Variants in GNAL observed in about 807,000 individuals in gnomAD.
GNAL encodes the protein guanine nucleotide-binding protein G(olf) subunit alpha.
Under a neutral mutation model 55.1 loss-of-function variants are expected in GNAL, and 18 were observed. The ratio of observed to expected loss-of-function variants is 0.33; its 90% CI spans 0.23 to 0.48. GNAL has a LOEUF of 0.48. Among genes scored for constraint, GNAL ranks in the 20% least tolerant of loss-of-function variants. GNAL has a pLI of 0.99. For synonymous variants in GNAL, 253 were observed against 237.0 expected, an observed-to-expected ratio of 1.07 and a Z score of -0.62; for missense variants, 412 against 614.1, an observed-to-expected ratio of 0.67 and a Z score of 3.48.
chr18:11,794,292 A>G (rs1242481067), intron 4 of GNAL, among the ~76,000 whole-genome samples: 1 of 152,254 alleles, frequency 6.6e-6, no homozygotes, highest in Middle Eastern at 3.2e-3. Flanking sequence ...TGTTGATAGC[A>G]GCACTATTCA....
chr18:11,763,446 C>G (rs1267876174), intron 4 of GNAL, among the ~76,000 whole-genome samples: 1 of 151,926 alleles, frequency 6.6e-6, no homozygotes, highest in African/African-American at 2.4e-5. Context: ...GAGTCTCGCT[C>G]TGTCTCCCAG....
chr18:11,814,546 A>C (rs553538173), intron 4 of GNAL, among the ~76,000 whole-genome samples: 1 of 151,864 alleles, frequency 6.6e-6, no homozygotes, highest in East Asian at 1.9e-4. Flanking sequence ...AAAGAAAAAG[A>C]AAAAAAATGA....
intron 10 of GNAL, among the ~76,000 whole-genome samples, chr18:11,873,055 A>G (rs1250081449): frequency 6.6e-6 from 1 of 152,218 alleles, no homozygotes; most frequent in African/African-American, 2.4e-5. Context: ...TAGACCAGGA[A>G]GAGTTGGTCA....
In GNAL at chr18:11,861,322, G is replaced by T. The variant is rs114057042; in HGVS notation, c.723-1073G>T. 3.2e-3 allele frequency among the ~76,000 whole-genome samples: 487 copies of T among 152,036 alleles called. 2 individuals are homozygous for T. Among genetic ancestry groups the T allele is most frequent in the African/African-American group, 0.011 (476 of 41,460 alleles). On this transcript the variant is annotated intron_variant, in intron 5 of 11. Transcript: ENST00000334049. ...CTGTCTCCAGAATTGTCCCCTGCTT[G>T]CCATTTAACCCATTCCCAGTGCTTG...
chr18:11,877,323 C>CAG, intron 11 of GNAL, among the ~76,000 whole-genome samples: 1 of 151,456 alleles, frequency 6.6e-6, no homozygotes, highest in Non-Finnish European at 1.5e-5. Context: ...GGTGTGGTGG[C>CAG]ATGCGCCTGT....
At chr18:11,869,009 AAC>A (rs929155823) in intron 9 of GNAL, among the ~76,000 whole-genome samples, 1 of 145,860 alleles carries the variant, frequency 6.9e-6, no homozygotes, top group Non-Finnish European at 1.5e-5. Context: ...CTTGTCTCAA[AAC>A]ACACACACAT....
At chr18:11,792,349 C>G (rs564442103) in intron 4 of GNAL, among the ~76,000 whole-genome samples, 1 of 152,156 alleles carries the variant, frequency 6.6e-6, no homozygotes, top group Non-Finnish European at 1.5e-5. Flanking sequence ...CCGCACCTGG[C>G]TAATTTTTGC....
chr18:11,842,419 G>A lies in GNAL; in HGVS notation c.722+17404G>A, dbSNP rs534503961. ...TTTCAAGATGAATCCAGTGCATTAC[G>A]TTTACTGTGCTCTTCTATTACGATT... On this transcript the variant is annotated intron_variant, in intron 5 of 11. Coordinates refer to ENST00000334049, the MANE Select transcript of GNAL (RefSeq NM_182978.4). Among the ~76,000 whole-genome samples, 17 of 152,156 alleles carry A rather than the reference G, an allele frequency of 1.1e-4. No individual in the cohort carries two copies. In the East Asian group the frequency reaches 2.7e-3, roughly 24 times the overall value.
In GNAL at chr18:11,858,593, G is replaced by T. The variant is rs1424741374; in HGVS notation, c.723-3802G>T. Among the ~76,000 whole-genome samples the T allele has an allele frequency of 2.0e-5, 3 of 152,340 alleles. No individual in the cohort carries two copies. In the East Asian group the frequency reaches 5.8e-4, roughly 29 times the overall value. ...CTGCAACATGCTTGGAAATATGCCAGTTGAAACAAGGATCAAGGCAGAAGG... is the reference window on the plus strand; with the variant it reads ...CTGCAACATGCTTGGAAATATGCCATTTGAAACAAGGATCAAGGCAGAAGG... On this transcript the variant is annotated intron_variant, in intron 5 of 11. Coordinates refer to ENST00000334049, the MANE Select transcript of GNAL (RefSeq NM_182978.4).
At chr18:11,691,121 G>A (rs1454114197) in intron 1 of GNAL, among the ~76,000 whole-genome samples, 1 of 151,622 alleles carries the variant, frequency 6.6e-6, no homozygotes, top group Non-Finnish European at 1.5e-5. Flanking sequence ...TCCAGCACCT[G>A]TTGTTTTCTG....
chr18:11,755,511 A>G (rs1057040799), intron 4 of GNAL, among the ~76,000 whole-genome samples: 6 of 152,080 alleles, frequency 3.9e-5, no homozygotes, highest in Non-Finnish European at 8.8e-5. Context: ...TCCTGACCTC[A>G]TGATCCACCC....
chr18:11,822,180 G>T (rs1314713169), intron 4 of GNAL, among the ~76,000 whole-genome samples: 1 of 152,212 alleles, frequency 6.6e-6, no homozygotes, highest in Non-Finnish European at 1.5e-5. Context: ...CTCAAGATGG[G>T]GTTTCTCGGG....
At chr18:11,745,359 A>C (rs528374194) in intron 1 of GNAL, among the ~76,000 whole-genome samples, 4 of 152,340 alleles carry the variant, frequency 2.6e-5, no homozygotes, top group Middle Eastern at 3.4e-3. Flanking sequence ...AGCTAACCAG[A>C]GAACAGGTGA....
At chr18:11,851,235 G>GC in intron 5 of GNAL, among the ~76,000 whole-genome samples, 1 of 152,338 alleles carries the variant, frequency 6.6e-6, no homozygotes, top group Non-Finnish European at 1.5e-5. Context: ...CGCAGGAAGC[G>GC]AGCGTTCCCC....
chr18:11,716,603 A>G (rs11872343), intron 1 of GNAL, among the ~76,000 whole-genome samples: 1,960 of 152,130 alleles, frequency 0.013, 40 homozygotes, highest in African/African-American at 0.044. Flanking sequence ...TGATTGGTGC[A>G]TTTACAATCC....
At chr18:11,810,382 G>A (rs1422229052) in intron 4 of GNAL, 2 of 152,344 alleles carry the variant, frequency 1.3e-5, no homozygotes, top group African/African-American at 4.8e-5. Context: ...GTGACAGAGT[G>A]AGATCCTGTC....
At chr18:11,750,335 G>T (rs1381411043) in intron 1 of GNAL, among the ~76,000 whole-genome samples, 1 of 152,174 alleles carries the variant, frequency 6.6e-6, no homozygotes, top group East Asian at 1.9e-4. Context: ...GCACCGTGGG[G>T]GCGGTGTGTC....
At position 11,707,406 on chromosome 18, in the gene GNAL, G is replaced by C. The variant is rs147525076; in HGVS notation, c.376+17467G>C. On this transcript the variant is annotated intron_variant, in intron 1 of 11. Transcript: ENST00000334049. Reference sequence around the variant, plus strand: ...TTACCGGGTGCACAGTAAATGAGCAGTAATAATTTGAAAGCAATCTTTTTT... The same window carrying C: ...TTACCGGGTGCACAGTAAATGAGCACTAATAATTTGAAAGCAATCTTTTTT... 8.6e-3 allele frequency among the ~76,000 whole-genome samples: 1,308 copies of C among 152,332 alleles called. 14 individuals carry two copies. Among genetic ancestry groups the C allele is most frequent in the African/African-American group, 0.03 (1,231 of 41,558 alleles).
chr18:11,829,316 C>G (rs1334154349), intron 5 of GNAL, among the ~76,000 whole-genome samples: 7 of 150,988 alleles, frequency 4.6e-5, no homozygotes, highest in Admixed American at 6.6e-5. Context: ...TTAATACATA[C>G]AGGAATCATG....
Sources: allele counts gnomAD v4.1 joint callset (sites outside exome capture counted in the v4.1 genomes callset), GRCh38; gene constraint gnomAD v4.1.1; transcripts MANE v1.5; gene names NCBI Gene and HGNC (gene_info 2026-07-23, HGNC 2026-07-21).